The following MAPKAP1 variants were observed in gnomAD, a reference collection of about 807,000 sequenced individuals.
MAPKAP1 encodes MAPK associated protein 1, also known as target of rapamycin complex 2 subunit MAPKAP1.
A neutral mutation model predicts 65.7 loss-of-function variants in MAPKAP1; 20 were observed. The observed-to-expected ratio is 0.30, with a 90% confidence interval of 0.21 to 0.44. The LOEUF is 0.44. Ranked by LOEUF, MAPKAP1 falls within the 20% of genes least tolerant of loss-of-function variation. The pLI, the probability that MAPKAP1 is intolerant of heterozygous loss-of-function variation, is 1.00. For synonymous variants in MAPKAP1, 222 were observed against 244.3 expected (o/e 0.91, Z 0.85); for missense variants, 423 against 648.0 (o/e 0.65, Z 3.77).
intron 4 of MAPKAP1, chr9:125,652,178 T>C: frequency 7.6e-7 from 1 of 1,321,384 alleles, no homozygotes; most frequent in Non-Finnish European, 1.0e-6. Context: ...TTTAAGTGAC[T>C]TTCTTTGAAG....
intron 5 of MAPKAP1, among the ~76,000 whole-genome samples, chr9:125,565,988 T>C (rs1831041281): frequency 1.3e-5 from 2 of 152,172 alleles, no homozygotes; most frequent in African/African-American, 2.4e-5. Flanking sequence ...GTCACTTAAA[T>C]AAAATACATC....
chr9:125,603,862 G>A (rs1832374536), intron 4 of MAPKAP1, among the ~76,000 whole-genome samples: 1 of 152,180 alleles, frequency 6.6e-6, no homozygotes. Context: ...CCCGAGAGGT[G>A]GGCAAGGCTT....
In MAPKAP1 at chr9:125,707,182, G is replaced by A. The variant is rs898569251; in HGVS notation, c.-281C>T. The A allele has an allele frequency of 5.0e-6, 2 of 398,166 alleles. No individual in the cohort carries two copies. Among genetic ancestry groups the A allele is most frequent in the Admixed American group, 4.4e-5 (1 of 22,732 alleles). The allele number at this position is 398,166 out of a possible 1,614,324, so 24.7% of individuals were successfully genotyped here. A position where few individuals can be genotyped will look rare whatever the true frequency, so the allele number is the denominator to read the frequency against. On this transcript the variant is annotated 5_prime_UTR_variant, in exon 1 of 12. Transcript: ENST00000265960. ...GCCGCCGCCGGCCGGCCGAGCAGCA[G>A]CCCTATTACCCCGAGCCGCACACGA...
At chr9:125,546,519 AAGT>A (rs1830430758) in intron 6 of MAPKAP1, among the ~76,000 whole-genome samples, 1 of 152,242 alleles carries the variant, frequency 6.6e-6, no homozygotes, top group Non-Finnish European at 1.5e-5. Flanking sequence ...CCCATTTAAC[AAGT>A]GGAGATGGAG....
intron 6 of MAPKAP1, among the ~76,000 whole-genome samples, chr9:125,543,799 G>A (rs1830333713): frequency 6.6e-6 from 1 of 152,098 alleles, no homozygotes; most frequent in Non-Finnish European, 1.5e-5. Context: ...GGTTCCTAGT[G>A]TTGGCTTCCA....
chr9:125,441,843 T>C (rs978773231), intron 11 of MAPKAP1, among the ~76,000 whole-genome samples: 1 of 152,018 alleles, frequency 6.6e-6, no homozygotes, highest in Non-Finnish European at 1.5e-5. Context: ...AAATCAGAGA[T>C]GGGGCCGGGC....
At chr9:125,552,699 T>A (rs770773375) in intron 6 of MAPKAP1, among the ~76,000 whole-genome samples, 11 of 152,134 alleles carry the variant, frequency 7.2e-5, no homozygotes, top group Non-Finnish European at 1.6e-4. Flanking sequence ...TCAGCTAATA[T>A]TAATAATCAC....
At chr9:125,457,264 T>C (rs745331446) in intron 10 of MAPKAP1, among the ~76,000 whole-genome samples, 2 of 152,158 alleles carry the variant, frequency 1.3e-5, no homozygotes, top group African/African-American at 2.4e-5. Context: ...ACTGGGATTA[T>C]AGGCATGAGC....
At chr9:125,476,091 G>C (rs1345791838) in intron 9 of MAPKAP1, among the ~76,000 whole-genome samples, 1 of 152,166 alleles carries the variant, frequency 6.6e-6, no homozygotes, top group Non-Finnish European at 1.5e-5. Context: ...CAAAAGGGTG[G>C]CTCTGGGAGC....
At chr9:125,697,024 G>T (rs1010236144) in intron 1 of MAPKAP1, among the ~76,000 whole-genome samples, 1 of 152,138 alleles carries the variant, frequency 6.6e-6, no homozygotes, top group Non-Finnish European at 1.5e-5. Context: ...AGGCCTACTC[G>T]TTGTCCCTGT....
intron 9 of MAPKAP1, among the ~76,000 whole-genome samples, chr9:125,483,961 T>C (rs139085757): frequency 1.0e-3 from 158 of 152,328 alleles, no homozygotes; most frequent in Non-Finnish European, 1.9e-3. Flanking sequence ...AACAGAAATT[T>C]AGCACATAAT....
At chr9:125,644,368 A>T (rs532499148) in intron 4 of MAPKAP1, among the ~76,000 whole-genome samples, 175 of 152,360 alleles carry the variant, frequency 1.1e-3, no homozygotes, top group Non-Finnish European at 1.9e-3. Context: ...AAAAAAAAAC[A>T]TGAAACAGAA....
At chr9:125,683,105 G>A (rs553868843) in intron 1 of MAPKAP1, among the ~76,000 whole-genome samples, 22 of 151,914 alleles carry the variant, frequency 1.4e-4, no homozygotes, top group African/African-American at 4.3e-4. Context: ...ATAGGTGCCC[G>A]CCACCACGCC....
At chr9:125,562,300 T>C (rs1830914695) in intron 5 of MAPKAP1, among the ~76,000 whole-genome samples, 1 of 152,242 alleles carries the variant, frequency 6.6e-6, no homozygotes, top group Non-Finnish European at 1.5e-5. Flanking sequence ...TCCCCAGTTC[T>C]TAAATATGAA....
intron 4 of MAPKAP1, among the ~76,000 whole-genome samples, chr9:125,592,155 T>A (rs1013248650): frequency 6.6e-6 from 1 of 152,196 alleles, no homozygotes; most frequent in Non-Finnish European, 1.5e-5. Flanking sequence ...TCAAACTGTT[T>A]TGCTGAAGGT....
intron 8 of MAPKAP1, among the ~76,000 whole-genome samples, chr9:125,485,956 T>C (rs1854489405): frequency 6.6e-6 from 1 of 152,224 alleles, no homozygotes; most frequent in Non-Finnish European, 1.5e-5. Context: ...GGGTGGATTA[T>C]ATTCAGCCGT....
At chr9:125,607,427 C>T (rs1832469693) in intron 4 of MAPKAP1, among the ~76,000 whole-genome samples, 1 of 152,208 alleles carries the variant, frequency 6.6e-6, no homozygotes, top group African/African-American at 2.4e-5. Flanking sequence ...ATTTGACATC[C>T]ATATTAGCTT....
At chr9:125,444,442 C>A in intron 11 of MAPKAP1, 59 bp downstream of exon 11, 1 of 1,344,614 alleles carries the variant, frequency 7.4e-7, no homozygotes. Context: ...ATGCCGCAAA[C>A]AGCCTGAAGA....
Position 125,576,809 on chromosome 9 carries a change from G to C in MAPKAP1, c.671+8746C>G, listed in dbSNP as rs28605515. 9.9e-3 allele frequency among the ~76,000 whole-genome samples: 1,515 copies of C among 152,268 alleles called. 20 individuals are homozygous for C. Among genetic ancestry groups the C allele is most frequent in the African/African-American group, 0.035 (1,437 of 41,550 alleles). On this transcript the variant is annotated intron_variant, in intron 5 of 11. Coordinates refer to ENST00000265960, the MANE Select transcript of MAPKAP1 (RefSeq NM_001006617.3). ...GTGCTGGGATTGCAGACGGAGTCTCGTTCACTCAGTGCTCAATGGTGCCCA... is the reference window on the plus strand; with the variant it reads ...GTGCTGGGATTGCAGACGGAGTCTCCTTCACTCAGTGCTCAATGGTGCCCA...
Sources: gnomAD v4.1 joint callset for allele counts (sites outside exome capture counted in the v4.1 genomes callset) on GRCh38, gnomAD v4.1.1 for gene constraint, MANE v1.5 for transcripts, NCBI Gene and HGNC (gene_info 2026-07-23, HGNC 2026-07-21) for gene names.